Variants in NR6A1 observed in about 807,000 individuals in gnomAD.
NR6A1 encodes the protein retinoic acid receptor-related testis-associated receptor.
NR6A1 carries 7 observed loss-of-function variants against 59.1 expected under a neutral mutation model. The observed-to-expected ratio is 0.12, with a 90% CI of 0.07 to 0.22. The LOEUF (loss-of-function observed/expected upper bound fraction) is 0.22, where lower values mean the gene tolerates loss of function less well. NR6A1 is among the 10% of genes least tolerant of loss of function. The pLI, the probability that NR6A1 is intolerant of heterozygous loss-of-function variation, is 1.00. For missense variants in NR6A1, 468 were observed against 611.6 expected, an observed-to-expected ratio of 0.77 and a Z score of 2.48; for synonymous variants, 243 against 236.1, an observed-to-expected ratio of 1.03 and a Z score of -0.27.
chr9:124,593,604 G>A (rs1159244310), intron 2 of NR6A1, among the ~76,000 whole-genome samples: 1 of 152,166 alleles, frequency 6.6e-6, no homozygotes, highest in Non-Finnish European at 1.5e-5. Context: ...ATCTTTGCAA[G>A]TTGAGGAATG....
At chr9:124,692,487 A>G (rs1201117339) in intron 2 of NR6A1, 1 of 532,622 alleles carries the variant, frequency 1.9e-6, no homozygotes, top group Non-Finnish European at 3.9e-6. Context: ...AGGAACATTC[A>G]ACGCTGTCGG....
At chr9:124,755,523 GATTTATCAC>G (rs2131182753) in intron 1 of NR6A1, among the ~76,000 whole-genome samples, 1 of 152,194 alleles carries the variant, frequency 6.6e-6, no homozygotes, top group Non-Finnish European at 1.5e-5. Context: ...ACTCTTCAGG[GATTTATCAC>G]ATTTATGATG....
intron 2 of NR6A1, among the ~76,000 whole-genome samples, chr9:124,642,196 C>T (rs1836786309): frequency 6.6e-6 from 1 of 152,046 alleles, no homozygotes; most frequent in Non-Finnish European, 1.5e-5. Flanking sequence ...ATTACAAGCG[C>T]ACACCACCAC....
Position 124,517,965 on chromosome 9 carries a change from T to TC in NR6A1, c.*4739dup, listed in dbSNP as rs1273031054. The stretch of plus-strand genomic sequence containing the variant: ...GTCGCTTAAGAGGTAGTTTTTTTTT[T>TC]CTTTTTCATGGAAATTTGAATCAAC... On this transcript the variant is annotated 3_prime_UTR_variant, in exon 10 of 10. Transcript: ENST00000487099. The TC allele has an allele frequency of 7.9e-5, 12 of 151,930 alleles. No homozygotes were observed. The highest frequency in any genetic ancestry group is 1.8e-4 in the Non-Finnish European group (12 of 67,960). 9.4% of individuals were successfully genotyped at this position (151,930 alleles called of 1,614,324 possible).
intron 2 of NR6A1, among the ~76,000 whole-genome samples, chr9:124,656,561 T>G (rs1351001983): frequency 6.6e-6 from 1 of 152,120 alleles, no homozygotes; most frequent in African/African-American, 2.4e-5. Flanking sequence ...CTAGGCACGG[T>G]GGGCTCATGC....
intron 2 of NR6A1, among the ~76,000 whole-genome samples, chr9:124,599,780 A>C (rs1171668073): frequency 6.6e-6 from 1 of 152,224 alleles, no homozygotes; most frequent in Non-Finnish European, 1.5e-5. Context: ...CAAAGAAAGG[A>C]AGAGGCAGGA....
chr9:124,590,366 C>T (rs1028935787), intron 2 of NR6A1, among the ~76,000 whole-genome samples: 7 of 151,674 alleles, frequency 4.6e-5, no homozygotes, highest in African/African-American at 1.7e-4. Flanking sequence ...ACCCAAAAAG[C>T]AAAAACCCTC....
intron 3 of NR6A1, 40 bp downstream of exon 3, chr9:124,554,288 G>C (rs1336397966): frequency 6.2e-7 from 1 of 1,613,250 alleles, no homozygotes; most frequent in African/African-American, 1.3e-5. Context: ...GTAAAGTTTT[G>C]AATGAAGGAT....
At position 124,771,205 on chromosome 9, in the gene NR6A1, G is replaced by A. The variant is rs956094152; in HGVS notation, c.-86C>T. 61 of 779,436 alleles carry A rather than the reference G, an allele frequency of 7.8e-5. No homozygotes were observed. Among genetic ancestry groups the A allele is most frequent in the African/African-American group, 1.1e-4 (6 of 55,706 alleles). 48.3% of individuals were successfully genotyped at this position (779,436 alleles called of 1,614,324 possible). A position where few individuals can be genotyped will look rare whatever the true frequency, so the allele number is the denominator to read the frequency against. On this transcript the variant is annotated 5_prime_UTR_variant, in exon 1 of 10. Coordinates refer to ENST00000487099, the MANE Select transcript of NR6A1 (RefSeq NM_033334.4). ...CCGTGGTCGTCGTCCGCCGAGGGGA[G>A]GAGGTTGTCAGGAGCCCGCGAGCTC...
chr9:124,525,558 C>T (rs901458879), intron 8 of NR6A1, among the ~76,000 whole-genome samples: 2 of 151,940 alleles, frequency 1.3e-5, no homozygotes, highest in East Asian at 3.9e-4. Context: ...GGTCTCACTA[C>T]GTTGCTTGGG....
chr9:124,530,069 C>T (rs985042424), intron 7 of NR6A1, among the ~76,000 whole-genome samples: 10 of 152,134 alleles, frequency 6.6e-5, no homozygotes, highest in Non-Finnish European at 8.8e-5. Flanking sequence ...CACTCCAGAC[C>T]CTGCAGGTGT....
chr9:124,676,043 A>T (rs1466464743), intron 2 of NR6A1, among the ~76,000 whole-genome samples: 2 of 152,208 alleles, frequency 1.3e-5, no homozygotes, highest in Admixed American at 1.3e-4. Context: ...CTTGCAAAAT[A>T]TAAACAGGCA....
intron 2 of NR6A1, among the ~76,000 whole-genome samples, chr9:124,623,017 C>A (rs938065658): frequency 9.2e-5 from 14 of 152,128 alleles, no homozygotes; most frequent in African/African-American, 3.4e-4. Context: ...CAGGGCCAGG[C>A]AATACTACTA....
chr9:124,535,007 C>T (rs1374868261), intron 7 of NR6A1, among the ~76,000 whole-genome samples: 1 of 152,100 alleles, frequency 6.6e-6, no homozygotes, highest in Non-Finnish European at 1.5e-5. Context: ...CCCTATAGTC[C>T]CAGCTACTTG....
chr9:124,754,105 A>C (rs1840578252), intron 1 of NR6A1, among the ~76,000 whole-genome samples: 2 of 152,192 alleles, frequency 1.3e-5, no homozygotes. Flanking sequence ...TTATCACCTG[A>C]TATTGTCAAA....
chr9:124,624,535 C>G (rs1011294576), intron 2 of NR6A1, among the ~76,000 whole-genome samples: 2 of 152,146 alleles, frequency 1.3e-5, no homozygotes, highest in Non-Finnish European at 1.5e-5. Context: ...CCTGCTTAGC[C>G]TGAGAATGTG....
chr9:124,539,973 T>C, intron 5 of NR6A1, 60 bp downstream of exon 5: 3 of 1,534,064 alleles, frequency 2.0e-6, no homozygotes, highest in African/African-American at 1.4e-5. Flanking sequence ...AGGTTTTCTG[T>C]AGCTCTCCCT....
intron 2 of NR6A1, among the ~76,000 whole-genome samples, chr9:124,658,200 C>T (rs1837319720): frequency 6.6e-6 from 1 of 152,114 alleles, no homozygotes; most frequent in African/African-American, 2.4e-5. Context: ...AAAAGCAACA[C>T]CTTCAAAGTC....
chr9:124,647,346 T>C (rs185254182), intron 2 of NR6A1, among the ~76,000 whole-genome samples: 3 of 152,236 alleles, frequency 2.0e-5, no homozygotes, highest in Non-Finnish European at 4.4e-5. Context: ...AAAGCATCAT[T>C]AGAGACTATT....
Sources: allele counts gnomAD v4.1 joint callset (sites outside exome capture counted in the v4.1 genomes callset), GRCh38; gene constraint gnomAD v4.1.1; transcripts MANE v1.5; gene names NCBI Gene and HGNC (gene_info 2026-07-23, HGNC 2026-07-21).